The following RBM5 variants were observed in gnomAD, a reference collection of about 807,000 sequenced individuals.
RBM5 encodes RNA binding motif protein 5, also known as RNA-binding protein 5.
In RBM5, 15 loss-of-function variants were observed where a neutral mutation model predicts 124.6. That is an observed-to-expected ratio of 0.12 (90% CI 0.08 to 0.19). The LOEUF (loss-of-function observed/expected upper bound fraction) is 0.19, where lower values mean the gene tolerates loss of function less well. RBM5 is among the 10% of genes least tolerant of loss of function. RBM5 has a pLI of 1.00. For missense variants in RBM5, 580 were observed against 1,026.5 expected (o/e 0.57, Z 5.94); for synonymous variants, 337 against 361.2 (o/e 0.93, Z 0.76).
chr3:50,105,810 G>A, intron 10 of RBM5, 101 bp downstream of exon 10: 1 of 1,268,856 alleles, frequency 7.9e-7, no homozygotes, highest in Non-Finnish European at 1.1e-6. Context: ...TAAAGCCCAA[G>A]ATGCAAGGCT....
intron 12 of RBM5, among the ~76,000 whole-genome samples, chr3:50,107,838 C>T (rs1222772976): frequency 2.6e-5 from 4 of 151,590 alleles, no homozygotes; most frequent in Non-Finnish European, 5.9e-5. Context: ...AGGTACCTGC[C>T]ACCACGCCTG....
intron 9 of RBM5, 93 bp downstream of exon 9, chr3:50,105,235 T>A (rs1164177086): frequency 1.8e-6 from 2 of 1,090,802 alleles, no homozygotes; most frequent in African/African-American, 1.6e-5. Context: ...GGTGAAACCC[T>A]GTCTCTACTA....
At chr3:50,113,605 T>A in intron 18 of RBM5, 61 bp downstream of exon 18, 3 of 1,495,078 alleles carry the variant, frequency 2.0e-6, no homozygotes, top group Non-Finnish European at 2.7e-6. Context: ...AGTTTTGGGG[T>A]TGTAGCATTT....
At chr3:50,106,630 G>A (rs2091038152) in intron 10 of RBM5, 137 bp from the exon 11 acceptor site, 1 of 637,816 alleles carries the variant, frequency 1.6e-6, no homozygotes, top group African/African-American at 1.8e-5. Context: ...CTTTCTTGAG[G>A]TTTCATATCT....
chr3:50,097,327 CG>C (rs2090839283), intron 4 of RBM5, among the ~76,000 whole-genome samples: 1 of 150,230 alleles, frequency 6.7e-6, no homozygotes, highest in Non-Finnish European at 1.5e-5. Flanking sequence ...ATCTGAGAGG[CG>C]GAGCTTGCAG....
intron 4 of RBM5, among the ~76,000 whole-genome samples, chr3:50,096,655 T>C (rs1415664685): frequency 1.8e-5 from 2 of 108,948 alleles, no homozygotes; most frequent in Non-Finnish European, 3.7e-5. Context: ...AATCGCGTGA[T>C]TGTGGCTCAC....
chr3:50,107,126 A>G, intron 11 of RBM5: 1 of 674,096 alleles, frequency 1.5e-6, no homozygotes, highest in East Asian at 2.9e-5. Context: ...ATGCTTTGCA[A>G]ACTGCAGCAG....
At chr3:50,108,034 C>G in intron 12 of RBM5, 36 bp from the exon 13 acceptor site, 2 of 1,545,446 alleles carry the variant, frequency 1.3e-6, no homozygotes, top group Non-Finnish European at 1.8e-6. Flanking sequence ...TTAATGCCTA[C>G]TAAGTTTGTC....
rs1006235425 is a variant in RBM5, at chr3:50,116,974, G to C, written c.2095-100G>C. ...AGCAGTCTAAAAAAAGCATTCTTCAGATTTAAAAATACTTGAGGGGATAGT... is the reference window on the plus strand; with the variant it reads ...AGCAGTCTAAAAAAAGCATTCTTCACATTTAAAAATACTTGAGGGGATAGT... On this transcript the variant is annotated intron_variant, in intron 22 of 24. Coordinates refer to ENST00000347869, the MANE Select transcript of RBM5 (RefSeq NM_005778.4). The C allele has an allele frequency of 5.4e-6, 6 of 1,120,882 alleles. No homozygotes were observed. In the African/African-American group the frequency reaches 7.8e-5, roughly 15 times the overall value. The allele number at this position is 1,120,882 out of a possible 1,614,324, so 69.4% of individuals were successfully genotyped here. A position where few individuals can be genotyped will look rare whatever the true frequency, so the allele number is the denominator to read the frequency against.
rs185304734 is a variant in RBM5, at chr3:50,092,420, G to C, written c.183+212G>C. 3.3e-4 allele frequency among the ~76,000 whole-genome samples: 50 copies of C among 152,170 alleles called. No individual in the cohort carries two copies. In the East Asian group the frequency reaches 8.9e-3, roughly 27 times the overall value. On this transcript the variant is annotated intron_variant, in intron 3 of 24. Coordinates refer to ENST00000347869, the MANE Select transcript of RBM5 (RefSeq NM_005778.4). Reference sequence around the variant, plus strand: ...TACTAAAAATACAAAAATTAGCTGAGTGGGGTGGTGGGCGCCTGTAATCCC... The same window carrying C: ...TACTAAAAATACAAAAATTAGCTGACTGGGGTGGTGGGCGCCTGTAATCCC...
At chr3:50,089,217 C>A (rs1024889016) in intron 1 of RBM5, among the ~76,000 whole-genome samples, 188 bp downstream of exon 1, 2 of 152,214 alleles carry the variant, frequency 1.3e-5, no homozygotes, top group Non-Finnish European at 2.9e-5. Flanking sequence ...CAGAGGGTGT[C>A]CAGCCAGCTC....
intron 4 of RBM5, among the ~76,000 whole-genome samples, chr3:50,095,642 T>C (rs567307814): frequency 1.3e-5 from 2 of 151,938 alleles, no homozygotes; most frequent in Non-Finnish European, 2.9e-5. Flanking sequence ...ATGTAAAGCC[T>C]GATCTATCGG....
chr3:50,099,997 G>A lies in RBM5; in HGVS notation c.355G>A (p.Glu119Lys), dbSNP rs1349346857. 3 of 1,613,732 alleles carry A rather than the reference G, an allele frequency of 1.9e-6. No homozygotes were observed. Among genetic ancestry groups the A allele is most frequent in the Admixed American group, 3.3e-5 (2 of 59,968 alleles). The stretch of plus-strand genomic sequence containing the variant: ...CCCTGTGCAGATTCGAGAAATGATG[G>A]AGTCCTTCGAAGGCCCTCAGCCTGC... ...ITESDIREMM[E>K]SFEGPQPADV... Residue 119 changes from glutamate to lysine, a missense_variant, in exon 5 of 25, where the codon GAG (glutamate) becomes AAG (lysine). Physicochemically the swap from Glu to Lys is moderately conservative, Grantham distance 56. Transcript: ENST00000347869.
chr3:50,107,622 C>CACAGACGTG (rs1446320913), intron 12 of RBM5, 53 bp downstream of exon 12: 11 of 1,208,620 alleles, frequency 9.1e-6, no homozygotes, highest in Non-Finnish European at 1.3e-5. Context: ...TGCCCAGATT[C>CACAGACGTG]ACAGACGTGA....
rs924633054 is a variant in RBM5, at chr3:50,107,386, A to G, written c.954-96A>G. The G allele has an allele frequency of 2.0e-5, 20 of 1,009,104 alleles. No homozygotes were observed. The African/African-American group carries it at 2.7e-4, about 14-fold the overall frequency. 62.5% of individuals were successfully genotyped at this position (1,009,104 alleles called of 1,614,324 possible). A position where few individuals can be genotyped will look rare whatever the true frequency, so the allele number is the denominator to read the frequency against. On this transcript the variant is annotated intron_variant, in intron 11 of 24. Transcript: ENST00000347869. Reference sequence around the variant, plus strand: ...AATGTGGCCTTGCTGGCATTTGAGAACTGACAAAGGGTGGAGTGAATCAGT... The same window carrying G: ...AATGTGGCCTTGCTGGCATTTGAGAGCTGACAAAGGGTGGAGTGAATCAGT...
chr3:50,110,641 T>C, intron 16 of RBM5, 38 bp from the exon 17 acceptor site: 2 of 1,564,080 alleles, frequency 1.3e-6, no homozygotes, highest in Non-Finnish European at 1.8e-6. Flanking sequence ...GCCAATTTCT[T>C]ACCTGGAATG....
Position 50,117,467 on chromosome 3 carries a change from C to T in RBM5, c.2322+88C>T. The stretch of plus-strand genomic sequence containing the variant: ...CAGAGCACTCATAGAGCCTGGGAGC[C>T]AGGAGCAGCTTTACCTTAGCATGAA... On this transcript the variant is annotated intron_variant, in intron 24 of 24. Transcript: ENST00000347869. The surrounding 1 kb of genome is among the most constrained non-coding windows in gnomAD (Gnocchi z 4.2). The T allele has an allele frequency of 6.4e-7, 1 of 1,558,412 alleles. No homozygotes were observed. Among genetic ancestry groups the T allele is most frequent in the Non-Finnish European group, 8.7e-7 (1 of 1,145,622 alleles).
In RBM5 at chr3:50,092,943, C is replaced by CTTTTT. The variant is rs530934301; in HGVS notation, c.184-753_184-749dup. The CTTTTT allele has an allele frequency of 3.9e-4, 31 of 79,220 alleles. 4 individuals are homozygous for CTTTTT. The highest frequency in any genetic ancestry group is 9.1e-4 in the African/African-American group (12 of 13,138). The allele number at this position is 79,220 out of a possible 1,614,324, so 4.9% of individuals were successfully genotyped here. A position where few individuals can be genotyped will look rare whatever the true frequency, so the allele number is the denominator to read the frequency against. The stretch of plus-strand genomic sequence containing the variant: ...TGTTGTTTTGGTCATCTTGATATAT[C>CTTTTT]TTTTTTTTTTTTTTTTTTTTTTTTT... On this transcript the variant is annotated intron_variant, in intron 3 of 24. Coordinates refer to ENST00000347869, the MANE Select transcript of RBM5 (RefSeq NM_005778.4).
chr3:50,093,639 A>G (rs2108987143), intron 3 of RBM5, 81 bp from the exon 4 acceptor site: 1 of 1,442,758 alleles, frequency 6.9e-7, no homozygotes, highest in Non-Finnish European at 9.6e-7. Context: ...ACTTCCTGCT[A>G]AGGATAATTT....
Sources: gnomAD v4.1 joint callset for allele counts (sites outside exome capture counted in the v4.1 genomes callset) on GRCh38, gnomAD v4.1.1 for gene constraint, Gnocchi (gnomAD v3.1) non-coding constraint, MANE v1.5 for transcripts, NCBI Gene and HGNC (gene_info 2026-07-23, HGNC 2026-07-21) for gene names.